The following EPHA6 variants were observed in gnomAD, a reference collection of about 807,000 sequenced individuals.
EPHA6 encodes the protein EPH receptor A6.
In EPHA6, 50 loss-of-function variants were observed where a neutral mutation model predicts 112.0. The ratio of observed to expected loss-of-function variants is 0.45; its 90% CI spans 0.36 to 0.56. EPHA6 has a LOEUF of 0.56. Ranked by LOEUF, EPHA6 falls within the 20% of genes least tolerant of loss-of-function variation. The pLI is 0.00. For missense variants in EPHA6, 1,280 were observed against 1,417.4 expected, an observed-to-expected ratio of 0.90 and a Z score of 1.56; for synonymous variants, 529 against 490.7, an observed-to-expected ratio of 1.08 and a Z score of -1.03.
chr3:97,210,761 T>C (rs1292055081), intron 3 of EPHA6, among the ~76,000 whole-genome samples: 1 of 152,158 alleles, frequency 6.6e-6, no homozygotes, highest in African/African-American at 2.4e-5. Flanking sequence ...ACAACACTGA[T>C]CATCTATTTT....
chr3:97,300,340 G>T (rs2081042489), intron 5 of EPHA6, among the ~76,000 whole-genome samples: 1 of 152,290 alleles, frequency 6.6e-6, no homozygotes, highest in Non-Finnish European at 1.5e-5. Flanking sequence ...AATTTTGAAT[G>T]AAAACAAGAA....
chr3:96,881,846 G>A (rs1002704708), intron 2 of EPHA6, among the ~76,000 whole-genome samples: 13 of 152,188 alleles, frequency 8.5e-5, no homozygotes, highest in African/African-American at 2.9e-4. Flanking sequence ...GGGGCTACGG[G>A]CCCCATGCAA....
intron 15 of EPHA6, among the ~76,000 whole-genome samples, chr3:97,731,061 G>A (rs910275714): frequency 2.0e-5 from 3 of 152,058 alleles, no homozygotes; most frequent in Admixed American, 2.0e-4. Context: ...ATTGGTGGAG[G>A]AAAAGGAGAA....
rs908653880 is a variant in EPHA6 at position 96,995,821 on chromosome 3, G to A, written c.1114+7828G>A. Among the ~76,000 whole-genome samples the A allele has an allele frequency of 1.6e-4, 25 of 152,104 alleles. 1 individual carries two copies. Among genetic ancestry groups the A allele is most frequent in the Admixed American group, 1.6e-3 (25 of 15,258 alleles). On this transcript the variant is annotated intron_variant, in intron 3 of 17. Transcript: ENST00000389672. ...AAGTCATAATCATTTTGCTGGTGGA[G>A]AATCTTGACTCGATATTGATGGTTG...
At chr3:97,364,723 AAT>A (rs957625025) in intron 5 of EPHA6, among the ~76,000 whole-genome samples, 1 of 152,168 alleles carries the variant, frequency 6.6e-6, no homozygotes, top group Non-Finnish European at 1.5e-5. Context: ...CTATTTAAAT[AAT>A]GTGTGATTTA....
chr3:97,031,818 G>A (rs2044859155), intron 3 of EPHA6, among the ~76,000 whole-genome samples: 1 of 152,102 alleles, frequency 6.6e-6, no homozygotes, highest in Non-Finnish European at 1.5e-5. Flanking sequence ...AGAGGATGTG[G>A]AGAAATAGGA....
chr3:97,518,639 C>T (rs2092486689), intron 10 of EPHA6, among the ~76,000 whole-genome samples: 1 of 151,886 alleles, frequency 6.6e-6, no homozygotes, highest in Non-Finnish European at 1.5e-5. Flanking sequence ...TCCTCACCAA[C>T]ACCTATTATT....
chr3:97,251,336 C>G (rs1355764155), intron 5 of EPHA6, among the ~76,000 whole-genome samples: 1 of 151,948 alleles, frequency 6.6e-6, no homozygotes, highest in Non-Finnish European at 1.5e-5. Context: ...CGAGACCGTC[C>G]TGGCTAACAC....
At chr3:97,337,671 T>A (rs1374543713) in intron 5 of EPHA6, among the ~76,000 whole-genome samples, 3 of 152,150 alleles carry the variant, frequency 2.0e-5, no homozygotes. Flanking sequence ...AGGGATGCCA[T>A]ATATCTACTA....
At chr3:97,355,603 G>A (rs2084030847) in intron 5 of EPHA6, among the ~76,000 whole-genome samples, 1 of 151,952 alleles carries the variant, frequency 6.6e-6, no homozygotes, top group Admixed American at 6.6e-5. Context: ...AAGATAGGAA[G>A]GAAAGGAAAA....
At chr3:97,276,609 A>T (rs560912173) in intron 5 of EPHA6, among the ~76,000 whole-genome samples, 1 of 152,102 alleles carries the variant, frequency 6.6e-6, no homozygotes, top group Non-Finnish European at 1.5e-5. Flanking sequence ...GAGGTTAACT[A>T]AGTCCTGTTG....
intron 14 of EPHA6, among the ~76,000 whole-genome samples, chr3:97,711,707 A>G (rs1031899078): frequency 7.9e-5 from 12 of 152,230 alleles, no homozygotes; most frequent in African/African-American, 2.9e-4. Context: ...GGCCCTCAGT[A>G]GATTGGATGA....
intron 5 of EPHA6, among the ~76,000 whole-genome samples, chr3:97,245,045 A>G (rs535973606): frequency 6.6e-6 from 1 of 152,178 alleles, no homozygotes; most frequent in East Asian, 1.9e-4. Context: ...TGGGCACACA[A>G]GTTATTGCCT....
intron 3 of EPHA6, among the ~76,000 whole-genome samples, chr3:97,186,564 G>T (rs1052793052): frequency 6.6e-6 from 1 of 152,070 alleles, no homozygotes; most frequent in Non-Finnish European, 1.5e-5. Context: ...TTTACTGGGT[G>T]CCAAACGTAT....
chr3:97,047,118 G>T (rs1328316528), intron 3 of EPHA6, among the ~76,000 whole-genome samples: 2 of 151,852 alleles, frequency 1.3e-5, no homozygotes, highest in Non-Finnish European at 2.9e-5. Flanking sequence ...TAATGATAGG[G>T]TGTATATGGA....
At chr3:97,169,393 A>G (rs1450694437) in intron 3 of EPHA6, among the ~76,000 whole-genome samples, 1 of 152,154 alleles carries the variant, frequency 6.6e-6, no homozygotes, top group Non-Finnish European at 1.5e-5. Flanking sequence ...ATTCAGTGCA[A>G]TGGATAGTAG....
chr3:97,671,307 T>C (rs1177719504), intron 14 of EPHA6, among the ~76,000 whole-genome samples: 4 of 152,052 alleles, frequency 2.6e-5, no homozygotes, highest in African/African-American at 9.7e-5. Context: ...AATTCTATAT[T>C]CCCAGGAAGG....
intron 5 of EPHA6, among the ~76,000 whole-genome samples, chr3:97,308,804 C>T (rs9878007): frequency 0.027 from 4,082 of 151,744 alleles, 187 homozygotes; most frequent in African/African-American, 0.092. Context: ...TACATTCTAC[C>T]CGAGTATGGC....
chr3:97,002,246 G>A (rs2043694574), intron 3 of EPHA6, among the ~76,000 whole-genome samples: 2 of 151,516 alleles, frequency 1.3e-5, no homozygotes, highest in South Asian at 2.1e-4. Flanking sequence ...CTTTCCTCTT[G>A]AAGCCTAATT....
Sources: gnomAD v4.1 joint callset for allele counts (sites outside exome capture counted in the v4.1 genomes callset) on GRCh38, gnomAD v4.1.1 for gene constraint, MANE v1.5 for transcripts, NCBI Gene and HGNC (gene_info 2026-07-23, HGNC 2026-07-21) for gene names.